OXR1: variants seen among roughly 807,000 people sequenced by gnomAD.
OXR1 encodes the protein oxidation resistance protein 1.
Under a neutral mutation model 104.6 loss-of-function variants are expected in OXR1, and 41 were observed. The ratio of observed to expected loss-of-function variants is 0.39; its 90% CI spans 0.31 to 0.51. The LOEUF is 0.51. Ranked by LOEUF, OXR1 falls within the 20% of genes least tolerant of loss-of-function variation. The probability of loss-of-function intolerance (pLI) is 0.77; values close to 1 mark genes in which losing one functional copy is unlikely to be tolerated. For synonymous variants in OXR1, 348 were observed against 348.4 expected (o/e 1.00, Z 0.01); for missense variants, 955 against 1,031.9 (o/e 0.93, Z 1.02).
chr8:106,582,404 A>G (rs1275183146), intron 3 of OXR1, among the ~76,000 whole-genome samples: 5 of 152,014 alleles, frequency 3.3e-5, no homozygotes, highest in Non-Finnish European at 7.4e-5. Context: ...ACCTGGGGAC[A>G]ACAAGGTTTT....
chr8:106,511,080 C>G (rs1025134821), intron 2 of OXR1, among the ~76,000 whole-genome samples: 3 of 152,232 alleles, frequency 2.0e-5, no homozygotes, highest in African/African-American at 7.2e-5. Context: ...TTCTATACCC[C>G]CAAGGGATTG....
chr8:106,657,930 C>T, intron 3 of OXR1: 3 of 1,247,662 alleles, frequency 2.4e-6, no homozygotes, highest in South Asian at 4.1e-5. Flanking sequence ...TGGTGGCCGC[C>T]ACCGCCGAAA....
intron 3 of OXR1, among the ~76,000 whole-genome samples, chr8:106,653,160 T>G (rs1824761459): frequency 6.6e-6 from 1 of 150,888 alleles, no homozygotes; most frequent in African/African-American, 2.4e-5. Flanking sequence ...CCAGATGGCT[T>G]CAATGGTGAA....
At position 106,415,764 on chromosome 8, in the gene OXR1, T is replaced by G. The variant is rs369550238; in HGVS notation, c.23+56128T>G. On this transcript the variant is annotated intron_variant, in intron 2 of 16. Transcript: ENST00000517566. ...TTGCCTCTTTGTCTGCATTCCAATA[T>G]TATTTTGAACTTATATAATTTATTT... Among the ~76,000 whole-genome samples the G allele has an allele frequency of 5.9e-5, 9 of 152,166 alleles. No individual in the cohort carries two copies. The East Asian group carries it at 1.5e-3, about 26-fold the overall frequency.
intron 6 of OXR1, among the ~76,000 whole-genome samples, chr8:106,688,806 C>T (rs1174301688): frequency 1.3e-5 from 2 of 152,026 alleles, no homozygotes; most frequent in Non-Finnish European, 2.9e-5. Flanking sequence ...CAGTCAAGGT[C>T]TAGATTCTGT....
chr8:106,357,691 T>C (rs1339809906), intron 1 of OXR1, among the ~76,000 whole-genome samples: 3 of 152,138 alleles, frequency 2.0e-5, no homozygotes, highest in African/African-American at 7.2e-5. Context: ...CTAATAGTAA[T>C]AGGGCACGAG....
chr8:106,511,556 T>TACAC (rs59970999), intron 2 of OXR1, among the ~76,000 whole-genome samples: 18 of 151,050 alleles, frequency 1.2e-4, no homozygotes, highest in African/African-American at 2.9e-4. Context: ...CTCTCTCTCA[T>TACAC]ACACACACAC....
intron 3 of OXR1, among the ~76,000 whole-genome samples, chr8:106,626,652 T>A (rs1400975863): frequency 2.0e-5 from 3 of 151,012 alleles, no homozygotes; most frequent in Non-Finnish European, 4.4e-5. Flanking sequence ...TTTAATAATA[T>A]CTTTAAAAAA....
At chr8:106,594,075 T>G (rs1046099151) in intron 3 of OXR1, among the ~76,000 whole-genome samples, 2 of 152,224 alleles carry the variant, frequency 1.3e-5, no homozygotes, top group Non-Finnish European at 2.9e-5. Flanking sequence ...TATGATACCA[T>G]GGTTTAGAAA....
chr8:106,511,791 GT>G (rs1233735757), intron 2 of OXR1, among the ~76,000 whole-genome samples: 1 of 152,204 alleles, frequency 6.6e-6, no homozygotes, highest in Non-Finnish European at 1.5e-5. Context: ...AAGAGCTGAA[GT>G]TTATCTATTT....
At chr8:106,290,530 A>G (rs555804113) in intron 1 of OXR1, among the ~76,000 whole-genome samples, 4 of 152,338 alleles carry the variant, frequency 2.6e-5, no homozygotes, top group African/African-American at 9.6e-5. Flanking sequence ...ATGGGAGAAA[A>G]TATTCACAAA....
At chr8:106,390,309 A>G (rs1156247282) in intron 2 of OXR1, among the ~76,000 whole-genome samples, 3 of 152,174 alleles carry the variant, frequency 2.0e-5, no homozygotes, top group Non-Finnish European at 4.4e-5. Flanking sequence ...TTAATGGACA[A>G]AAAACATCAG....
At chr8:106,406,786 A>G (rs1240011569) in intron 2 of OXR1, among the ~76,000 whole-genome samples, 1 of 152,180 alleles carries the variant, frequency 6.6e-6, no homozygotes, top group Non-Finnish European at 1.5e-5. Context: ...CTGTCATTAT[A>G]CATGTGTCAG....
At chr8:106,529,651 G>T (rs1813946334) in intron 3 of OXR1, among the ~76,000 whole-genome samples, 1 of 152,032 alleles carries the variant, frequency 6.6e-6, no homozygotes, top group Non-Finnish European at 1.5e-5. Context: ...TTCTGTGATT[G>T]TTCTCTGTCA....
chr8:106,639,904 T>C (rs923642261), intron 3 of OXR1, among the ~76,000 whole-genome samples: 1 of 152,102 alleles, frequency 6.6e-6, no homozygotes, highest in African/African-American at 2.4e-5. Flanking sequence ...GACAGACACA[T>C]AAACAAAAAA....
intron 9 of OXR1, 51 bp downstream of exon 9, chr8:106,707,196 C>T (rs1831222326): frequency 6.4e-7 from 1 of 1,551,864 alleles, no homozygotes; most frequent in African/African-American, 1.4e-5. Context: ...TATGGTGTCT[C>T]CGTCTTTCCT....
At chr8:106,720,044 G>T (rs550650918) in intron 11 of OXR1, among the ~76,000 whole-genome samples, 1 of 152,170 alleles carries the variant, frequency 6.6e-6, no homozygotes, top group South Asian at 2.1e-4. Context: ...CTGCCCTCAT[G>T]ATCCGCCTGC....
chr8:106,583,248 C>T (rs926698054), intron 3 of OXR1, among the ~76,000 whole-genome samples: 9 of 152,140 alleles, frequency 5.9e-5, no homozygotes, highest in African/African-American at 2.2e-4. Context: ...CCAAAATTTA[C>T]TCTCATTTAC....
chr8:106,740,364 A>C lies in OXR1; in HGVS notation c.2185A>C (p.Arg729=). 1.9e-6 allele frequency: 3 copies of C among 1,611,704 alleles called. No homozygotes were observed. The highest frequency in any genetic ancestry group is 2.5e-6 in the Non-Finnish European group (3 of 1,178,972). ...AAAGCTTACCAAGCATCTTCCACCA[A>C]GAACAATTGGCTATCCATGGACTCT... ...IEKLTKHLPP[R]TIGYPWTLVY... is the part of the protein sequence containing the mutation. Residue 729 remains arginine, a synonymous_variant, in exon 14 of 17, where the codon AGA becomes CGA. Transcript: ENST00000517566.
Sources: gnomAD v4.1 joint callset for allele counts (sites outside exome capture counted in the v4.1 genomes callset) on GRCh38, gnomAD v4.1.1 for gene constraint, MANE v1.5 for transcripts, NCBI Gene and HGNC (gene_info 2026-07-23, HGNC 2026-07-21) for gene names.